ELOC: variants seen among roughly 807,000 people sequenced by gnomAD.
The protein encoded by ELOC is elongin-C.
For synonymous variants in ELOC, 40 were observed against 51.3 expected (o/e 0.78, Z 0.94); for missense variants, 38 against 139.0 (o/e 0.27, Z 3.65).
rs1378165839 is a variant in ELOC, at chr8:73,946,840, T to C, written c.149-20A>G. 3 of 1,598,284 alleles carry C rather than the reference T, an allele frequency of 1.9e-6. No homozygotes were observed. The highest frequency in any genetic ancestry group is 2.6e-6 in the Non-Finnish European group (3 of 1,169,096). On this transcript the variant is annotated intron_variant, in intron 3 of 3. Transcript: ENST00000520242. ...ACTGACCTGTAAAACAAAAGAATTA[T>C]GTATGTTATTGGCTGAATTGTGTCC...
chr8:73,967,359 T>C (rs1462923028), intron 1 of ELOC, among the ~76,000 whole-genome samples: 1 of 152,066 alleles, frequency 6.6e-6, no homozygotes, highest in East Asian at 1.9e-4. Flanking sequence ...ACTCTGCCAC[T>C]GGAGTGCAAA....
At chr8:73,962,601 G>A (rs1414584481) in intron 1 of ELOC, among the ~76,000 whole-genome samples, 1 of 151,328 alleles carries the variant, frequency 6.6e-6, no homozygotes, top group African/African-American at 2.4e-5. Flanking sequence ...ACAAATGCGA[G>A]AAAGCTTGAA....
chr8:73,970,077 C>T (rs1463227244), intron 1 of ELOC, among the ~76,000 whole-genome samples: 3 of 152,076 alleles, frequency 2.0e-5, no homozygotes, highest in Non-Finnish European at 4.4e-5. Flanking sequence ...CCTACTTGAG[C>T]CCCCAAAACA....
At chr8:73,971,377 G>T (rs1279556651) in intron 1 of ELOC, among the ~76,000 whole-genome samples, 1 of 152,166 alleles carries the variant, frequency 6.6e-6, no homozygotes, top group Non-Finnish European at 1.5e-5. Flanking sequence ...CTCTAGCCTG[G>T]GCAACAAGAG....
chr8:73,965,100 G>A (rs1323489901), intron 1 of ELOC, among the ~76,000 whole-genome samples: 2 of 142,514 alleles, frequency 1.4e-5, no homozygotes, highest in African/African-American at 5.2e-5. Flanking sequence ...GTCAAGCCAC[G>A]AACTGGAAAA....
At chr8:73,953,364 C>A (rs1813902538) in intron 3 of ELOC, among the ~76,000 whole-genome samples, 1 of 151,616 alleles carries the variant, frequency 6.6e-6, no homozygotes, top group African/African-American at 2.4e-5. Flanking sequence ...CATTTCACAC[C>A]CATTAAGATA....
intron 1 of ELOC, among the ~76,000 whole-genome samples, chr8:73,968,752 C>T (rs914905305): frequency 5.9e-5 from 9 of 152,196 alleles, no homozygotes; most frequent in Admixed American, 2.0e-4. Context: ...GGCCATTATT[C>T]CCATCCACTT....
chr8:73,953,382 TAAAA>T (rs199858431), intron 3 of ELOC, among the ~76,000 whole-genome samples: 1 of 150,210 alleles, frequency 6.7e-6, no homozygotes, highest in East Asian at 2.0e-4. Context: ...ATAGCAGTGA[TAAAA>T]AAAAGAGTGG....
rs115676628 is a variant in ELOC at position 73,946,850 on chromosome 8, T to A, written c.149-30A>T. ...AAAACAAAAGAATTATGTATGTTATTGGCTGAATTGTGTCCTCCAAATTCA... is the reference window on the plus strand; with the variant it reads ...AAAACAAAAGAATTATGTATGTTATAGGCTGAATTGTGTCCTCCAAATTCA... On this transcript the variant is annotated intron_variant, in intron 3 of 3. Coordinates refer to ENST00000520242, the MANE Select transcript of ELOC (RefSeq NM_005648.4). The A allele has an allele frequency of 8.9e-5, 140 of 1,581,720 alleles. 2 individuals carry two copies. The highest frequency in any genetic ancestry group is 6.0e-4 in the South Asian group (53 of 88,608).
intron 3 of ELOC, among the ~76,000 whole-genome samples, chr8:73,947,040 G>A (rs1586587706): frequency 6.6e-6 from 1 of 152,300 alleles, no homozygotes; most frequent in East Asian, 1.9e-4. Flanking sequence ...CCAGGCTGAA[G>A]TGCAATGGCG....
At chr8:73,968,518 T>TA (rs1454859088) in intron 1 of ELOC, among the ~76,000 whole-genome samples, 4 of 152,254 alleles carry the variant, frequency 2.6e-5, no homozygotes, top group Non-Finnish European at 5.9e-5. Context: ...GTATTAATCA[T>TA]AGATTCTACA....
intron 3 of ELOC, among the ~76,000 whole-genome samples, chr8:73,955,033 C>CG (rs1210511376): frequency 9.2e-4 from 65 of 71,024 alleles, no homozygotes; most frequent in African/African-American, 2.2e-3. Context: ...GACTCCATCT[C>CG]GGAAAAAAAA....
At chr8:73,964,854 C>T (rs79875051) in intron 1 of ELOC, among the ~76,000 whole-genome samples, 10,928 of 151,822 alleles carry the variant, frequency 0.072, 572 homozygotes, top group Admixed American at 0.16. Context: ...TGGTGAAACC[C>T]CGTTTCTATA....
intron 3 of ELOC, among the ~76,000 whole-genome samples, chr8:73,949,673 A>T (rs1813617690): frequency 6.6e-6 from 1 of 152,166 alleles, no homozygotes; most frequent in Non-Finnish European, 1.5e-5. Context: ...TTTGTGTCTG[A>T]GTTCTTTTAC....
intron 3 of ELOC, among the ~76,000 whole-genome samples, chr8:73,951,350 T>C (rs535262647): frequency 5.3e-5 from 8 of 151,970 alleles, no homozygotes; most frequent in Non-Finnish European, 7.4e-5. Context: ...GAGTAGGTTT[T>C]AAAATCTCCA....
At chr8:73,953,660 CAA>C (rs1375581566) in intron 3 of ELOC, among the ~76,000 whole-genome samples, 1 of 136,210 alleles carries the variant, frequency 7.3e-6, no homozygotes, top group South Asian at 2.3e-4. Flanking sequence ...AACTCTGTCT[CAA>C]AAAAAAAAAA....
intron 1 of ELOC, among the ~76,000 whole-genome samples, chr8:73,968,348 G>A (rs1586622959): frequency 6.6e-6 from 1 of 151,978 alleles, no homozygotes; most frequent in East Asian, 1.9e-4. Context: ...ACCCAGAGTC[G>A]CCCTCCCACA....
In ELOC at chr8:73,946,737, T is replaced by C. The variant is rs1433070860; in HGVS notation, c.232A>G (p.Thr78Ala). The C allele has an allele frequency of 1.2e-6, 2 of 1,613,926 alleles. No homozygotes were observed. Residue 78 changes from threonine to alanine, a missense_variant, in exon 4 of 4, where the codon ACG becomes GCG. Physicochemically the swap from Thr to Ala is moderately conservative, Grantham distance 58. Transcript: ENST00000520242. The part of the protein sequence containing the change: ...HVLSKVCMYF[T>A]YKVRYTNSST... ...CTGTTAGTGTAGCGAACCTTGTACG[T>C]AAAATACATGCATACTTTCGATAGC...
chr8:73,952,581 C>A (rs1180792760), intron 3 of ELOC, among the ~76,000 whole-genome samples: 5 of 150,222 alleles, frequency 3.3e-5, no homozygotes, highest in African/African-American at 4.9e-5. Context: ...GAGATCAAGA[C>A]CTTCCCGGCT....
Sources: allele counts gnomAD v4.1 joint callset (sites outside exome capture counted in the v4.1 genomes callset), GRCh38; gene constraint gnomAD v4.1.1; transcripts MANE v1.5; gene names NCBI Gene and HGNC (gene_info 2026-07-23, HGNC 2026-07-21).